Variants in TMEM239 observed in about 807,000 individuals in gnomAD.
The protein encoded by TMEM239 is transmembrane protein 239.
Under a neutral mutation model 14.6 loss-of-function variants are expected in TMEM239, and 10 were observed. That is an observed-to-expected ratio of 0.68 (90% CI 0.42 to 1.16). The LOEUF (loss-of-function observed/expected upper bound fraction) is 1.16. Ranked by LOEUF, TMEM239 falls within the 50% of genes most tolerant of loss-of-function variation. TMEM239 has a pLI of 0.00. For missense variants in TMEM239, 183 were observed against 194.4 expected (o/e 0.94, Z 0.35); for synonymous variants, 94 against 89.9 (o/e 1.05, Z -0.26).
At chr20:2,816,056 G>A (rs558501685), upstream of TMEM239, among the ~76,000 whole-genome samples, 1 of 152,318 alleles carries the variant, frequency 6.6e-6, no homozygotes, top group South Asian at 2.1e-4. Context: ...TGGCTCTAGA[G>A]AATGAAGGTC....
chr20:2,816,146 T>C (rs2088665854), upstream of TMEM239, among the ~76,000 whole-genome samples: 1 of 152,036 alleles, frequency 6.6e-6, no homozygotes. Flanking sequence ...GGGACAGGGA[T>C]CCAGGGAGGG....
chr20:2,820,230 T>C (rs1599937698), downstream of TMEM239: 1 of 151,068 alleles, frequency 6.6e-6, no homozygotes, highest in African/African-American at 2.4e-5. Context: ...CAAGTGGGAG[T>C]AGGGTATAGA....
chr20:2,815,830 A>T (rs1158154416), upstream of TMEM239: 3 of 1,439,602 alleles, frequency 2.1e-6, no homozygotes, highest in African/African-American at 2.8e-5. Context: ...ACCCTTCTTC[A>T]TCAGGCCCCC....
Position 2,816,949 on chromosome 20 carries a change from T to C in TMEM239, c.395T>C (p.Leu132Pro), listed in dbSNP as rs1419563930. The part of the protein sequence containing the change: ...ASFLLLFSTL[L>P]SLVGLLTSMT... Reference sequence around the variant, plus strand: ...TTCCTGCTGCTCTTCTCCACACTGCTGAGCCTTGTGGGCCTCCTCACCTCC... The same window carrying C: ...TTCCTGCTGCTCTTCTCCACACTGCCGAGCCTTGTGGGCCTCCTCACCTCC... Residue 132 changes from leucine (L) to proline (P), a missense_variant, in exon 2 of 2, where the codon CTG becomes CCG. Physicochemically the swap from Leu to Pro is moderately conservative, Grantham distance 98. Transcript: ENST00000380585. 1 of 1,538,514 alleles carries C rather than the reference T, an allele frequency of 6.5e-7. No individual in the cohort carries two copies. The highest frequency in any genetic ancestry group is 2.0e-5 in the Admixed American group (1 of 51,006).
chr20:2,816,503 CAAG>C (rs1600279152), intron 1 of TMEM239, 38 bp from the exon 2 acceptor site: 2 of 1,245,020 alleles, frequency 1.6e-6, no homozygotes, highest in African/African-American at 2.2e-5. Context: ...CCCCCCCCCC[CAAG>C]GTCCCAGGCA....
At chr20:2,819,303 C>T (rs2088704455), downstream of TMEM239, 1 of 152,246 alleles carries the variant, frequency 6.6e-6, no homozygotes, top group South Asian at 2.1e-4. Context: ...AGACCTTCTT[C>T]CTTTCCCCAC....
rs1298629319 is a variant in TMEM239, at chr20:2,817,576, G to C, written c.*563G>C. On this transcript the variant is annotated 3_prime_UTR_variant, in exon 2 of 2. Transcript: ENST00000380585. ...TCGCTCTCCAAACCTTGCAGCCCAC[G>C]CATCCTCCTCCCTAGACTTCCTACT... 6.3e-6 allele frequency: 1 copy of C among 159,478 alleles called. No homozygotes were observed. The highest frequency in any genetic ancestry group is 2.4e-5 in the African/African-American group (1 of 41,532). The allele number at this position is 159,478 out of a possible 1,614,324, so 9.9% of individuals were successfully genotyped here. A position where few individuals can be genotyped will look rare whatever the true frequency, so the allele number is the denominator to read the frequency against.
Position 2,816,671 on chromosome 20 carries a change from C to A in TMEM239, c.117C>A (p.Ser39Arg), listed in dbSNP as rs1275163964. 5.2e-6 allele frequency: 8 copies of A among 1,542,530 alleles called. No homozygotes were observed. The East Asian group carries it at 2.0e-4, about 38-fold the overall frequency. The change falls in exon 2 of 2, where the codon AGC (serine) becomes AGA (arginine). Residue 39 changes from serine to arginine, a missense_variant. By Grantham distance (110) the Ser-to-Arg change is moderately radical (BLOSUM62 -1). Transcript: ENST00000380585. ...TRHGWVRWWV[S>R]HMPPSWIQWW... ...ATGGCTGGGTGCGCTGGTGGGTGAG[C>A]CACATGCCCCCGAGCTGGATCCAGT...
At chr20:2,818,619 T>C (rs890317419), downstream of TMEM239, 1 of 152,318 alleles carries the variant, frequency 6.6e-6, no homozygotes, top group African/African-American at 2.4e-5. Flanking sequence ...CATTATGGCA[T>C]GGTAGTGAGA....
At chr20:2,816,281 G>T (rs2088667601), upstream of TMEM239, 1 of 1,490,258 alleles carries the variant, frequency 6.7e-7, no homozygotes, top group Non-Finnish European at 9.0e-7. Flanking sequence ...CTCTTGGCTG[G>T]ACCCCACCCC....
chr20:2,819,149 C>T (rs1219713366), downstream of TMEM239: 1 of 152,244 alleles, frequency 6.6e-6, no homozygotes, highest in African/African-American at 2.4e-5. Context: ...GGCTGCCTGG[C>T]CTAGATCCAT....
rs2146581858 is a variant in TMEM239, at chr20:2,817,069, A to G, written c.*56A>G. ...GTTGAGCCCTGGCCTAGGGCCTGAGACCCCACGGGGAGAGGGAGGGCAATG... is the reference window on the plus strand; with the variant it reads ...GTTGAGCCCTGGCCTAGGGCCTGAGGCCCCACGGGGAGAGGGAGGGCAATG... On this transcript the variant is annotated 3_prime_UTR_variant, in exon 2 of 2. Coordinates refer to ENST00000380585, the MANE Select transcript of TMEM239 (RefSeq NM_001167670.3). 1 of 1,529,750 alleles carries G rather than the reference A, an allele frequency of 6.5e-7. No individual in the cohort carries two copies. The highest frequency in any genetic ancestry group is 2.5e-5 in the East Asian group (1 of 40,794). The allele number at this position is 1,529,750 out of a possible 1,614,324, so 94.8% of individuals were successfully genotyped here.
At chr20:2,815,829 C>CT (rs1419841724), upstream of TMEM239, 2 of 1,455,156 alleles carry the variant, frequency 1.4e-6, no homozygotes, top group African/African-American at 2.8e-5. Context: ...CACCCTTCTT[C>CT]ATCAGGCCCC....
At chr20:2,816,503 C>A (rs75622308) in intron 1 of TMEM239, 41 bp from the exon 2 acceptor site, 62 of 1,245,106 alleles carry the variant, frequency 5.0e-5, no homozygotes, top group Middle Eastern at 2.3e-4. Context: ...CCCCCCCCCC[C>A]AAGGTCCCAG....
At chr20:2,816,473 C>A (rs1336405322) in intron 1 of TMEM239, 58 bp downstream of exon 1, 4 of 1,517,928 alleles carry the variant, frequency 2.6e-6, no homozygotes, top group Admixed American at 2.1e-5. Context: ...GCCCTCCTGA[C>A]CCCTGCACCC....
upstream of TMEM239, chr20:2,815,834 G>A (rs1600278263): frequency 2.2e-6 from 3 of 1,385,202 alleles, no homozygotes; most frequent in East Asian, 7.0e-5. Context: ...TTCTTCATCA[G>A]GCCCCCTTTT....
At chr20:2,815,816 G>A, upstream of TMEM239, 1 of 1,528,684 alleles carries the variant, frequency 6.5e-7, no homozygotes, top group Non-Finnish European at 8.9e-7. Flanking sequence ...AATATACAAT[G>A]ACCACCCTTC....
At chr20:2,818,599 A>G (rs1402878966), downstream of TMEM239, 1 of 152,080 alleles carries the variant, frequency 6.6e-6, no homozygotes, top group Admixed American at 6.5e-5. Flanking sequence ...GTTTCTTTGT[A>G]TTTCTCCCGC....
At chr20:2,819,576 A>ATTT (rs34492388), downstream of TMEM239, 2,198 of 127,384 alleles carry the variant, frequency 0.017, 101 homozygotes, top group African/African-American at 0.06. Context: ...CAGAGTCTGC[A>ATTT]TTTTTTTTTT....
Sources: allele counts gnomAD v4.1 joint callset (sites outside exome capture counted in the v4.1 genomes callset), GRCh38; gene constraint gnomAD v4.1.1; transcripts MANE v1.5; gene names NCBI Gene and HGNC (gene_info 2026-07-23, HGNC 2026-07-21).